Variants in CYP4X1 observed in about 807,000 individuals in gnomAD.
CYP4X1 encodes the protein cytochrome P450 4X1.
Under a neutral mutation model 57.9 loss-of-function variants are expected in CYP4X1, and 44 were observed. The observed-to-expected ratio is 0.76, with a 90% CI of 0.60 to 0.98. CYP4X1 has a LOEUF of 0.98. CYP4X1 is among the 50% of genes least tolerant of loss of function. CYP4X1 has a pLI of 0.00. For synonymous variants in CYP4X1, 227 were observed against 228.6 expected, an observed-to-expected ratio of 0.99 and a Z score of 0.06; for missense variants, 532 against 623.9, an observed-to-expected ratio of 0.85 and a Z score of 1.57.
chr1:47,023,523 C>T, upstream of CYP4X1: 1 of 1,157,978 alleles, frequency 8.6e-7, no homozygotes. Flanking sequence ...ATTCAGATCC[C>T]GTGACTGAAA....
intron 8 of CYP4X1, among the ~76,000 whole-genome samples, chr1:47,042,227 CT>C (rs1346656467): frequency 6.7e-6 from 1 of 148,918 alleles, no homozygotes; most frequent in African/African-American, 2.5e-5. Flanking sequence ...CAGCTTTGCT[CT>C]TTTTGCTCAA....
Position 47,030,136 on chromosome 1 carries a change from G to A in CYP4X1, c.319+5G>A. On this transcript the variant is annotated splice_donor_5th_base_variant and intron_variant, in intron 2 of 11. Coordinates refer to ENST00000371901, the MANE Select transcript of CYP4X1 (RefSeq NM_178033.2). ...AGACACTTCTGAGCAGAACAGGTAA[G>A]AAGAGGGGGAAAGCTCTGGGACCTA... 6.2e-7 allele frequency: 1 copy of A among 1,608,092 alleles called. No individual in the cohort carries two copies. The highest frequency in any genetic ancestry group is 8.5e-7 in the Non-Finnish European group (1 of 1,176,064).
At chr1:46,979,459 G>T in the CYP4X1 span, among the ~76,000 whole-genome samples, 1 of 152,216 alleles carries the variant, frequency 6.6e-6, no homozygotes, top group East Asian at 1.9e-4. Flanking sequence ...ACCCATAACA[G>T]GTTCTGAAAT....
At chr1:47,015,918 C>T in the CYP4X1 span, among the ~76,000 whole-genome samples, 32 of 152,148 alleles carry the variant, frequency 2.1e-4, no homozygotes, top group Admixed American at 1.3e-3. Flanking sequence ...GTGCCACCTC[C>T]GTGAGGAAAA....
chr1:46,998,321 G>A, the CYP4X1 span, among the ~76,000 whole-genome samples: 4 of 152,082 alleles, frequency 2.6e-5, no homozygotes, highest in Admixed American at 6.6e-5. Context: ...AACTACAGGC[G>A]TGCACCATCA....
At chr1:46,989,990 C>T in the CYP4X1 span, among the ~76,000 whole-genome samples, 1 of 152,172 alleles carries the variant, frequency 6.6e-6, no homozygotes, top group Non-Finnish European at 1.5e-5. Flanking sequence ...TAGGCATGGG[C>T]AAAGGCCTCA....
At chr1:47,043,289 A>AT (rs969087997) in intron 8 of CYP4X1, among the ~76,000 whole-genome samples, 1 of 151,936 alleles carries the variant, frequency 6.6e-6, no homozygotes, top group African/African-American at 2.4e-5. Context: ...TCCTTTGTCC[A>AT]TTTTTTGATG....
At chr1:46,997,937 C>T in the CYP4X1 span, among the ~76,000 whole-genome samples, 3 of 152,150 alleles carry the variant, frequency 2.0e-5, no homozygotes, top group East Asian at 3.9e-4. Flanking sequence ...AATTTGCATT[C>T]CTCTGGTGAT....
chr1:46,962,337 C>G, the CYP4X1 span, among the ~76,000 whole-genome samples: 13 of 152,088 alleles, frequency 8.5e-5, no homozygotes, highest in Admixed American at 8.5e-4. Context: ...AGGCTGGTCT[C>G]AAACTCCTGA....
chr1:47,008,749 C>T, the CYP4X1 span, among the ~76,000 whole-genome samples: 1 of 150,568 alleles, frequency 6.6e-6, no homozygotes, highest in Non-Finnish European at 1.5e-5. Context: ...CAAATGGAAA[C>T]AAAAAGGCAG....
chr1:47,053,731 T>TA, downstream of CYP4X1, among the ~76,000 whole-genome samples: 1 of 152,262 alleles, frequency 6.6e-6, no homozygotes, highest in East Asian at 1.9e-4. Flanking sequence ...GAGAAGTCTC[T>TA]GCTCATATCC....
At chr1:47,039,730 TTATC>T in intron 8 of CYP4X1, 198 bp downstream of exon 8, 2 of 406,930 alleles carry the variant, frequency 4.9e-6, no homozygotes, top group Non-Finnish European at 8.6e-6. Flanking sequence ...AAAAGTTTAT[TTATC>T]CATAAATTGT....
At chr1:47,015,487 C>T in the CYP4X1 span, among the ~76,000 whole-genome samples, 1 of 152,320 alleles carries the variant, frequency 6.6e-6, no homozygotes, top group East Asian at 1.9e-4. Flanking sequence ...ATTAGAGATA[C>T]AATCTGCCTG....
the CYP4X1 span, chr1:46,967,760 G>A: frequency 2.8e-5 from 37 of 1,309,954 alleles, no homozygotes; most frequent in Non-Finnish European, 3.6e-5. Flanking sequence ...AAAATTCATG[G>A]TATGCCGACC....
At chr1:47,022,132 T>C (rs17102950), upstream of CYP4X1, among the ~76,000 whole-genome samples, 7,941 of 152,050 alleles carry the variant, frequency 0.052, 235 homozygotes, top group East Asian at 0.13. Flanking sequence ...CCCTGTCAAA[T>C]AACAACATCT....
intron 10 of CYP4X1, 85 bp from the exon 11 acceptor site, chr1:47,049,337 T>G: frequency 1.0e-6 from 1 of 978,808 alleles, no homozygotes; most frequent in East Asian, 2.4e-5. Context: ...CACATTATAT[T>G]TCTATTGATC....
chr1:47,046,421 A>T, intron 8 of CYP4X1, 46 bp from the exon 9 acceptor site: 1 of 1,604,112 alleles, frequency 6.2e-7, no homozygotes. Context: ...GAAAAAAAGT[A>T]AACTGGTTAT....
In CYP4X1 at chr1:47,049,414, C is replaced by T. The variant is rs1326114221; in HGVS notation, c.1273-8C>T. 3 of 1,613,376 alleles carry T rather than the reference C, an allele frequency of 1.9e-6. No individual in the cohort carries two copies. The highest frequency in any genetic ancestry group is 1.3e-5 in the African/African-American group (1 of 74,998). ...GGGGATGGTGTTGGGGTTGTCCTCT[C>T]ATTTCAGGTCTTTGACCCCTTGAGG... On this transcript the variant is annotated splice_polypyrimidine_tract_variant and splice_region_variant and intron_variant, in intron 10 of 11. Coordinates refer to ENST00000371901, the MANE Select transcript of CYP4X1 (RefSeq NM_178033.2).
the CYP4X1 span, among the ~76,000 whole-genome samples, chr1:46,962,467 A>G: frequency 2.0e-5 from 3 of 152,144 alleles, no homozygotes; most frequent in African/African-American, 4.8e-5. Flanking sequence ...TTTGTTCCCT[A>G]ATCTGACTAG....
Sources: allele counts gnomAD v4.1 joint callset (sites outside exome capture counted in the v4.1 genomes callset), GRCh38; gene constraint gnomAD v4.1.1; transcripts MANE v1.5; gene names NCBI Gene and HGNC (gene_info 2026-07-23, HGNC 2026-07-21).